CFAP47: variants seen among roughly 807,000 people sequenced by gnomAD.
CFAP47 encodes the protein cilia and flagella associated protein 47.
A neutral mutation model predicts 148.1 loss-of-function variants in CFAP47; 29 were observed. The ratio of observed to expected loss-of-function variants is 0.20; its 90% confidence interval spans 0.15 to 0.27. The LOEUF (loss-of-function observed/expected upper bound fraction) is 0.27. Ranked by LOEUF, CFAP47 falls within the 10% of genes least tolerant of loss-of-function variation. The pLI is 1.00. For synonymous variants in CFAP47, 664 were observed against 577.3 expected (o/e 1.15, Z -2.15); for missense variants, 1,872 against 1,697.5 (o/e 1.10, Z -1.81).
intron 22 of CFAP47, among the ~76,000 whole-genome samples, chrX:36,020,988 AT>A (rs908134008): frequency 4.5e-5 from 5 of 110,437 alleles, no homozygotes; most frequent in African/African-American, 1.3e-4. Context: ...TATCTGTTGT[AT>A]TTTTTTGGTT....
At chrX:36,262,878 G>A (rs1556000414) in intron 49 of CFAP47, among the ~76,000 whole-genome samples, 2 of 112,040 alleles carry the variant, frequency 1.8e-5, no homozygotes, top group Non-Finnish European at 1.9e-5. Flanking sequence ...AGCAGCATTT[G>A]TTATTGCCTG....
chrX:36,055,220 A>G (rs1254676707), intron 26 of CFAP47, among the ~76,000 whole-genome samples: 3 of 110,096 alleles, frequency 2.7e-5, no homozygotes, highest in Admixed American at 9.7e-5. Context: ...GGCTTGTTAC[A>G]TAGACAAATG....
chrX:36,353,714 T>A (rs1556017931), intron 60 of CFAP47, 33 bp downstream of exon 60: 1 of 1,057,961 alleles, frequency 9.5e-7, no homozygotes, highest in Admixed American at 3.4e-5. Context: ...AAAAATAAAA[T>A]GAAAAAAGAA....
intron 51 of CFAP47, among the ~76,000 whole-genome samples, chrX:36,287,855 C>T (rs900680941): frequency 2.7e-5 from 3 of 111,741 alleles, no homozygotes; most frequent in African/African-American, 6.5e-5. Flanking sequence ...TAAATAATGC[C>T]ATCAAATGAA....
chrX:35,940,927 AGTACTTACATCTT>A (rs767451880), intron 2 of CFAP47, among the ~76,000 whole-genome samples: 3 of 111,681 alleles, frequency 2.7e-5, no homozygotes, highest in Admixed American at 1.9e-4. Flanking sequence ...ACATTTTGTA[AGTACTTACATCTT>A]GTACTTACAT....
At chrX:36,330,132 T>A (rs1298888584) in intron 57 of CFAP47, among the ~76,000 whole-genome samples, 1 of 111,897 alleles carries the variant, frequency 8.9e-6, no homozygotes, top group Non-Finnish European at 1.9e-5. Context: ...ATAATTATAG[T>A]CACTCGCTTC....
chrX:35,944,243 C>T (rs1019891618), intron 3 of CFAP47, among the ~76,000 whole-genome samples: 3 of 111,167 alleles, frequency 2.7e-5, no homozygotes, highest in African/African-American at 9.8e-5. Context: ...CACAAAAGCA[C>T]CCCCTACTTA....
chrX:35,948,282 A>T (rs202019295), intron 3 of CFAP47, 32 bp from the exon 4 acceptor site: 2 of 1,160,871 alleles, frequency 1.7e-6, no homozygotes, highest in Non-Finnish European at 2.3e-6. Context: ...GTAAGGGTCC[A>T]GATGTAAATC....
At position 35,975,808 on chromosome X, in the gene CFAP47, C is replaced by T. The variant is rs141343030; in HGVS notation, c.2608C>T (p.Arg870Trp). The change falls in exon 15 of 64, where the codon CGG becomes TGG. Residue 870 changes from arginine to tryptophan, a missense_variant. Coordinates refer to ENST00000378653, the MANE Select transcript of CFAP47 (RefSeq NM_001304548.2). Reference sequence around the variant, plus strand: ...AGGCTTCTTCATGAAAACATGTTTTCGGGGGACAGTTAGATTGTATAATCG... The same window carrying T: ...AGGCTTCTTCATGAAAACATGTTTTTGGGGGACAGTTAGATTGTATAATCG... ...PRGFFMKTCF[R>W]GTVRLYNRQN... 158 of 1,208,522 alleles carry T rather than the reference C, an allele frequency of 1.3e-4. No homozygotes were observed. In the African/African-American group the frequency reaches 2.1e-3, roughly 16 times the overall value.
At chrX:36,128,310 C>T (rs959337087) in intron 33 of CFAP47, among the ~76,000 whole-genome samples, 1 of 111,147 alleles carries the variant, frequency 9.0e-6, no homozygotes, top group Non-Finnish European at 1.9e-5. Context: ...AGTGCCCTCA[C>T]TATGTTATGC....
intron 2 of CFAP47, among the ~76,000 whole-genome samples, chrX:35,927,155 A>G (rs1186007940): frequency 1.5e-5 from 1 of 65,246 alleles, no homozygotes; most frequent in African/African-American, 6.5e-5. Context: ...ACCCTATCTC[A>G]AAAAAAAAAA....
intron 35 of CFAP47, among the ~76,000 whole-genome samples, chrX:36,142,211 C>A (rs1202616722): frequency 2.7e-5 from 3 of 111,163 alleles, no homozygotes; most frequent in Non-Finnish European, 5.7e-5. Flanking sequence ...TTAAATCCAG[C>A]ATAAAACTCA....
intron 49 of CFAP47, among the ~76,000 whole-genome samples, chrX:36,272,837 C>T (rs1556002074): frequency 9.0e-6 from 1 of 110,690 alleles, no homozygotes; most frequent in East Asian, 2.8e-4. Context: ...TTGAAGTTCC[C>T]TCATATGTGA....
intron 39 of CFAP47, among the ~76,000 whole-genome samples, chrX:36,170,781 G>A (rs1413805542): frequency 1.6e-4 from 17 of 108,336 alleles, no homozygotes; most frequent in Admixed American, 6.0e-4. Context: ...CTTTATAGCA[G>A]CATGATTTAT....
At chrX:36,040,895 G>A (rs1009259606) in intron 25 of CFAP47, among the ~76,000 whole-genome samples, 2 of 111,296 alleles carry the variant, frequency 1.8e-5, no homozygotes. Context: ...GAATTAGGCC[G>A]GCATCATTGT....
At chrX:35,940,868 A>G (rs1569208451) in intron 2 of CFAP47, among the ~76,000 whole-genome samples, 1 of 111,799 alleles carries the variant, frequency 8.9e-6, no homozygotes, top group Non-Finnish European at 1.9e-5. Flanking sequence ...TGCTACAAAT[A>G]TGCTACAGTG....
intron 57 of CFAP47, among the ~76,000 whole-genome samples, chrX:36,335,873 A>T (rs1199374634): frequency 1.8e-5 from 2 of 111,609 alleles, no homozygotes; most frequent in Admixed American, 1.9e-4. Flanking sequence ...GAGTGCATGG[A>T]ATCTTTCATT....
At chrX:36,292,405 T>G (rs1556005716) in intron 51 of CFAP47, among the ~76,000 whole-genome samples, 1 of 112,163 alleles carries the variant, frequency 8.9e-6, no homozygotes, top group African/African-American at 3.2e-5. Flanking sequence ...ATTAGTTGTT[T>G]GTTTACTGAC....
intron 25 of CFAP47, among the ~76,000 whole-genome samples, chrX:36,040,816 T>C (rs748751374): frequency 1.8e-5 from 2 of 111,627 alleles, no homozygotes; most frequent in Admixed American, 1.9e-4. Flanking sequence ...ATAAACACCA[T>C]GTGGACATTA....
Sources: gnomAD v4.1 joint callset for allele counts (sites outside exome capture counted in the v4.1 genomes callset) on GRCh38, gnomAD v4.1.1 for gene constraint, MANE v1.5 for transcripts, NCBI Gene and HGNC (gene_info 2026-07-23, HGNC 2026-07-21) for gene names.